PTPRM: variants seen among roughly 807,000 people sequenced by gnomAD.
The protein encoded by PTPRM is receptor-type tyrosine-protein phosphatase mu.
PTPRM carries 47 observed loss-of-function variants against 186.7 expected under a neutral mutation model. That is an observed-to-expected ratio of 0.25 (90% CI 0.20 to 0.32). The LOEUF is 0.32. Among genes scored for constraint, PTPRM ranks in the 10% least tolerant of loss-of-function variants. The pLI is 1.00. For missense variants in PTPRM, 1,494 were observed against 1,865.0 expected (o/e 0.80, Z 3.66); for synonymous variants, 668 against 674.9 (o/e 0.99, Z 0.16).
At chr18:8,143,041 G>A (rs922392743) in intron 13 of PTPRM, among the ~76,000 whole-genome samples, 4 of 152,074 alleles carry the variant, frequency 2.6e-5, no homozygotes, top group African/African-American at 9.7e-5. Context: ...ATCATCAGCC[G>A]CTTCCACTTT....
intron 1 of PTPRM, among the ~76,000 whole-genome samples, chr18:7,636,589 C>T (rs1285531629): frequency 2.6e-5 from 4 of 152,056 alleles, no homozygotes; most frequent in Non-Finnish European, 1.5e-5. Flanking sequence ...GAGAAGCCTA[C>T]AGCCTAAGGG....
chr18:8,085,200 G>T (rs2090367166), intron 9 of PTPRM, among the ~76,000 whole-genome samples: 1 of 151,910 alleles, frequency 6.6e-6, no homozygotes, highest in Non-Finnish European at 1.5e-5. Flanking sequence ...CCAGTCATTG[G>T]AGCAGATGTC....
rs138175156 is a variant in PTPRM, at chr18:7,854,501, G to A, written c.197-33605G>A. On this transcript the variant is annotated intron_variant, in intron 2 of 32. Coordinates refer to ENST00000580170, the MANE Select transcript of PTPRM (RefSeq NM_001105244.2). ...TCATTTTACTTGAAACTCCATTACA[G>A]ATGGAAAGTTTGTAGTATAAGATAC... 2.6e-3 allele frequency among the ~76,000 whole-genome samples: 396 copies of A among 152,244 alleles called. 2 individuals are homozygous for A. The highest frequency in any genetic ancestry group is 8.9e-3 in the African/African-American group (370 of 41,554).
chr18:7,838,364 G>C (rs1007750501), intron 2 of PTPRM, among the ~76,000 whole-genome samples: 1 of 152,156 alleles, frequency 6.6e-6, no homozygotes, highest in African/African-American at 2.4e-5. Context: ...GGGGATTATG[G>C]GAACTACGAT....
chr18:8,322,799 T>G (rs2095353845), intron 22 of PTPRM, among the ~76,000 whole-genome samples: 1 of 152,110 alleles, frequency 6.6e-6, no homozygotes, highest in Admixed American at 6.5e-5. Flanking sequence ...ATGGGGGCCC[T>G]GGATAAGTGT....
chr18:7,655,981 G>GTA (rs2038836951), intron 1 of PTPRM, among the ~76,000 whole-genome samples: 1 of 152,182 alleles, frequency 6.6e-6, no homozygotes, highest in Admixed American at 6.5e-5. Flanking sequence ...TGATAGGACT[G>GTA]TAAATGGTTC....
In PTPRM at chr18:7,705,996, A is replaced by G. The variant is rs566179636; in HGVS notation, c.74-68153A>G. On this transcript the variant is annotated intron_variant, in intron 1 of 32. Coordinates refer to ENST00000580170, the MANE Select transcript of PTPRM (RefSeq NM_001105244.2). The stretch of plus-strand genomic sequence containing the variant: ...TAACATACCATATATAAATTTATAT[A>G]TTTATATATAATATATATACTATAA... Among the ~76,000 whole-genome samples the G allele has an allele frequency of 2.7e-5, 4 of 147,862 alleles. No homozygotes were observed. The South Asian group carries it at 8.4e-4, about 31-fold the overall frequency.
chr18:8,240,810 GAGAGAGAGAGAGAGAGAA>G (rs1159800684), intron 14 of PTPRM, among the ~76,000 whole-genome samples: 756 of 48,570 alleles, frequency 0.016, 28 homozygotes, highest in African/African-American at 0.04. Flanking sequence ...GAGAGAGAGA[GAGAGAGAGAGAGAGAGAA>G]AGAAAGAAAG....
chr18:7,859,385 C>T (rs898671542), intron 2 of PTPRM, among the ~76,000 whole-genome samples: 2 of 152,188 alleles, frequency 1.3e-5, no homozygotes, highest in Non-Finnish European at 2.9e-5. Context: ...CTACCCTGAT[C>T]CTTGCTGGTG....
chr18:7,890,565 C>T (rs999551284), intron 3 of PTPRM, among the ~76,000 whole-genome samples: 38 of 151,932 alleles, frequency 2.5e-4, no homozygotes, highest in Middle Eastern at 3.4e-3. Context: ...TGTGAGTACA[C>T]GTGTAAATTG....
At chr18:7,758,539 A>G (rs2041616790) in intron 1 of PTPRM, among the ~76,000 whole-genome samples, 1 of 152,148 alleles carries the variant, frequency 6.6e-6, no homozygotes, top group African/African-American at 2.4e-5. Flanking sequence ...GCAATTAACA[A>G]TTTGTCTGTA....
intron 7 of PTPRM, among the ~76,000 whole-genome samples, chr18:7,988,662 T>C (rs1568139441): frequency 6.6e-6 from 1 of 152,176 alleles, no homozygotes; most frequent in Non-Finnish European, 1.5e-5. Flanking sequence ...AATCATACCA[T>C]GGTTTTCCAC....
At chr18:8,350,510 C>T (rs35431779) in intron 23 of PTPRM, among the ~76,000 whole-genome samples, 41,741 of 152,108 alleles carry the variant, frequency 0.27, 6,432 homozygotes, top group Middle Eastern at 0.5. Context: ...TCCCAGCTTG[C>T]AAACCGATAA....
intron 1 of PTPRM, among the ~76,000 whole-genome samples, chr18:7,631,101 T>C (rs1319603172): frequency 1.3e-5 from 2 of 152,264 alleles, no homozygotes; most frequent in African/African-American, 4.8e-5. Flanking sequence ...TTCTGTGTCC[T>C]GTTTTATTTA....
intron 2 of PTPRM, among the ~76,000 whole-genome samples, chr18:7,846,602 T>C (rs1050914594): frequency 3.9e-5 from 6 of 152,228 alleles, no homozygotes; most frequent in Non-Finnish European, 7.3e-5. Context: ...AGGATTGTTA[T>C]TGGTTTGTGT....
chr18:7,599,571 C>T (rs2037348828), intron 1 of PTPRM, among the ~76,000 whole-genome samples: 1 of 152,196 alleles, frequency 6.6e-6, no homozygotes, highest in Admixed American at 6.5e-5. Context: ...TGGCTTAAGT[C>T]TGTGCATGCT....
Position 8,118,656 on chromosome 18 carries a change from C to T in PTPRM, c.2167+3829C>T, listed in dbSNP as rs1332729474. Among the ~76,000 whole-genome samples, 4 of 151,942 alleles carry T rather than the reference C, an allele frequency of 2.6e-5. No homozygotes were observed. The South Asian group carries it at 8.3e-4, about 32-fold the overall frequency. Reference sequence around the variant, plus strand: ...CTCTACTAAAAATACAAAAATTAGCCGGGCGCAGTGGTGGGTGCCTTTAAT... The same window carrying T: ...CTCTACTAAAAATACAAAAATTAGCTGGGCGCAGTGGTGGGTGCCTTTAAT... On this transcript the variant is annotated intron_variant, in intron 13 of 32. Coordinates refer to ENST00000580170, the MANE Select transcript of PTPRM (RefSeq NM_001105244.2).
chr18:8,118,387 C>T (rs1426846850), intron 13 of PTPRM, among the ~76,000 whole-genome samples: 6 of 152,282 alleles, frequency 3.9e-5, no homozygotes, highest in African/African-American at 1.4e-4. Flanking sequence ...TGATCCTCTC[C>T]TTGCTGTTAT....
chr18:7,718,353 A>G (rs1161505204), intron 1 of PTPRM, among the ~76,000 whole-genome samples: 1 of 152,222 alleles, frequency 6.6e-6, no homozygotes, highest in Non-Finnish European at 1.5e-5. Flanking sequence ...ATAACTGGTA[A>G]GCCACATGTA....
Sources: allele counts gnomAD v4.1 joint callset (sites outside exome capture counted in the v4.1 genomes callset), GRCh38; gene constraint gnomAD v4.1.1; transcripts MANE v1.5; gene names NCBI Gene and HGNC (gene_info 2026-07-23, HGNC 2026-07-21).